The following ADAM18 variants were observed in gnomAD, a reference collection of about 807,000 sequenced individuals.
ADAM18 encodes the protein ADAM metallopeptidase domain 18, also known as disintegrin and metalloproteinase domain-containing protein 18.
A neutral mutation model predicts 94.4 loss-of-function variants in ADAM18; 117 were observed. That is an observed-to-expected ratio of 1.24 (90% CI 1.07 to 1.45). The LOEUF (loss-of-function observed/expected upper bound fraction) is 1.45. ADAM18 is among the 40% of genes most tolerant of loss of function. The pLI, the probability that ADAM18 is intolerant of heterozygous loss-of-function variation, is 0.00. For missense variants in ADAM18, 936 were observed against 880.0 expected, an observed-to-expected ratio of 1.06 and a Z score of -0.81; for synonymous variants, 327 against 291.6, an observed-to-expected ratio of 1.12 and a Z score of -1.24.
intron 12 of ADAM18, among the ~76,000 whole-genome samples, chr8:39,659,406 T>C (rs190683072): frequency 6.6e-6 from 1 of 151,128 alleles, no homozygotes; most frequent in East Asian, 1.9e-4. Flanking sequence ...AAAAAGCAAG[T>C]ATGTGTGTGA....
chr8:39,590,485 A>T (rs983622538), intron 2 of ADAM18, among the ~76,000 whole-genome samples: 1 of 152,232 alleles, frequency 6.6e-6, no homozygotes, highest in Admixed American at 6.5e-5. Context: ...ACCTAATGCT[A>T]GATGACAAGT....
chr8:39,610,752 G>C, intron 6 of ADAM18, 46 bp downstream of exon 6: 1 of 1,545,096 alleles, frequency 6.5e-7, no homozygotes, highest in Non-Finnish European at 8.7e-7. Flanking sequence ...AACATTGCCT[G>C]TGTAGTTTTC....
chr8:39,592,032 G>T (rs952677529), intron 2 of ADAM18, among the ~76,000 whole-genome samples: 1 of 152,090 alleles, frequency 6.6e-6, no homozygotes, highest in African/African-American at 2.4e-5. Flanking sequence ...TGAGCAGTAG[G>T]TCTCAACAGT....
chr8:39,623,992 G>A (rs1479196763), intron 6 of ADAM18, among the ~76,000 whole-genome samples: 1 of 152,078 alleles, frequency 6.6e-6, no homozygotes, highest in East Asian at 1.9e-4. Context: ...CCTACTTTAT[G>A]GTGGGATTAT....
chr8:39,662,175 T>C (rs1820858576), intron 12 of ADAM18, among the ~76,000 whole-genome samples: 1 of 152,086 alleles, frequency 6.6e-6, no homozygotes, highest in Non-Finnish European at 1.5e-5. Flanking sequence ...TTAAAATGAT[T>C]GGTCATAATT....
chr8:39,688,123 C>T (rs1233870544), intron 16 of ADAM18, among the ~76,000 whole-genome samples: 1 of 152,186 alleles, frequency 6.6e-6, no homozygotes, highest in Non-Finnish European at 1.5e-5. Flanking sequence ...TGCAGCCTTA[C>T]TGGCCTGCTA....
intron 13 of ADAM18, among the ~76,000 whole-genome samples, chr8:39,665,691 A>G (rs1193775793): frequency 1.3e-5 from 2 of 152,352 alleles, no homozygotes; most frequent in African/African-American, 4.8e-5. Flanking sequence ...TCATTGATCC[A>G]TACAAATTAT....
At chr8:39,649,798 T>A (rs936685260) in intron 12 of ADAM18, among the ~76,000 whole-genome samples, 33 of 144,384 alleles carry the variant, frequency 2.3e-4, no homozygotes, top group Admixed American at 1.8e-3. Flanking sequence ...ATAATTATGA[T>A]GGTGAGTACC....
chr8:39,670,723 T>C (rs1050415142), intron 14 of ADAM18, among the ~76,000 whole-genome samples: 8 of 152,214 alleles, frequency 5.3e-5, no homozygotes, highest in Admixed American at 2.6e-4. Flanking sequence ...TTTAAAACAA[T>C]AAAAATAGAA....
chr8:39,592,292 G>A (rs1158881096), intron 2 of ADAM18, among the ~76,000 whole-genome samples: 2 of 152,006 alleles, frequency 1.3e-5, no homozygotes, highest in Non-Finnish European at 2.9e-5. Context: ...TTAGTTTTTT[G>A]ATGTTTGACC....
At chr8:39,725,239 G>T (rs997877178) in intron 19 of ADAM18, among the ~76,000 whole-genome samples, 2 of 151,856 alleles carry the variant, frequency 1.3e-5, no homozygotes. Context: ...GATGAGTTTG[G>T]AAATAAGTAT....
At chr8:39,662,014 A>G (rs1410506317) in intron 12 of ADAM18, among the ~76,000 whole-genome samples, 1 of 151,450 alleles carries the variant, frequency 6.6e-6, no homozygotes, top group Non-Finnish European at 1.5e-5. Context: ...CAGGGAAAGA[A>G]AAAAGCTCTG....
intron 16 of ADAM18, among the ~76,000 whole-genome samples, chr8:39,689,158 G>C (rs1471247572): frequency 6.6e-6 from 1 of 151,998 alleles, no homozygotes; most frequent in South Asian, 2.1e-4. Flanking sequence ...CTGTAGGCTG[G>C]TCTGTTTAAC....
chr8:39,649,268 C>G (rs1340314864), intron 12 of ADAM18, among the ~76,000 whole-genome samples: 1 of 152,032 alleles, frequency 6.6e-6, no homozygotes, highest in African/African-American at 2.4e-5. Context: ...CTATATTTCA[C>G]AAGGTAAAAC....
chr8:39,634,038 G>A (rs1037134479), intron 7 of ADAM18, among the ~76,000 whole-genome samples: 3 of 152,130 alleles, frequency 2.0e-5, no homozygotes, highest in Non-Finnish European at 2.9e-5. Context: ...CTGGGGATTT[G>A]TAAGCAAGAC....
At position 39,637,642 on chromosome 8, in the gene ADAM18, T is replaced by A. The variant is rs776762461; in HGVS notation, c.766T>A (p.Phe256Ile). 6.2e-7 allele frequency: 1 copy of A among 1,612,632 alleles called. No individual in the cohort carries two copies. The highest frequency in any genetic ancestry group is 8.5e-7 in the Non-Finnish European group (1 of 1,179,176). The change falls in exon 9 of 20, where the codon TTT becomes ATT. Residue 256 changes from phenylalanine (F) to isoleucine (I), a missense_variant. Coordinates refer to ENST00000265707, the MANE Select transcript of ADAM18 (RefSeq NM_014237.3). ...GGATGCTGATGATATATTACAAAGA[T>A]TTTTGGCATGGAAACGGGACTATCT... ...SGDADDILQR[F>I]LAWKRDYLIL...
At chr8:39,706,939 A>G (rs998121061) in intron 18 of ADAM18, 35 bp downstream of exon 18, 1 of 1,242,876 alleles carries the variant, frequency 8.0e-7, no homozygotes, top group African/African-American at 1.5e-5. Context: ...GCAAAATAGA[A>G]GGTTGTTTTA....
intron 2 of ADAM18, among the ~76,000 whole-genome samples, chr8:39,599,878 GT>G (rs1010161470): frequency 0.011 from 1,592 of 144,374 alleles, 67 homozygotes; most frequent in Admixed American, 0.073. Flanking sequence ...AAAAATTTGT[GT>G]TTTTTTTTTT....
At chr8:39,616,813 C>G (rs1487031718) in intron 6 of ADAM18, among the ~76,000 whole-genome samples, 1 of 152,144 alleles carries the variant, frequency 6.6e-6, no homozygotes, top group Non-Finnish European at 1.5e-5. Flanking sequence ...TGGCTAGTCA[C>G]ATGCAAAAGA....
Sources: allele counts gnomAD v4.1 joint callset (sites outside exome capture counted in the v4.1 genomes callset), GRCh38; gene constraint gnomAD v4.1.1; transcripts MANE v1.5; gene names NCBI Gene and HGNC (gene_info 2026-07-23, HGNC 2026-07-21).